The following SLC10A7 variants were observed in gnomAD, a reference collection of about 807,000 sequenced individuals.
The protein encoded by SLC10A7 is solute carrier family 10 member 7, also known as sodium/bile acid cotransporter 7.
SLC10A7 carries 29 observed loss-of-function variants against 43.2 expected under a neutral mutation model. The ratio of observed to expected loss-of-function variants is 0.67; its 90% confidence interval spans 0.50 to 0.92. The LOEUF (loss-of-function observed/expected upper bound fraction) is 0.92, where lower values mean the gene tolerates loss of function less well. SLC10A7 is among the 40% of genes least tolerant of loss of function. The probability of loss-of-function intolerance (pLI) is 0.00; values close to 1 mark genes in which losing one functional copy is unlikely to be tolerated. For missense variants in SLC10A7, 295 were observed against 403.2 expected, an observed-to-expected ratio of 0.73 and a Z score of 2.30; for synonymous variants, 152 against 144.8, an observed-to-expected ratio of 1.05 and a Z score of -0.35.
At chr4:146,355,945 C>T (rs984299847) in intron 5 of SLC10A7, among the ~76,000 whole-genome samples, 7 of 149,974 alleles carry the variant, frequency 4.7e-5, no homozygotes, top group African/African-American at 9.8e-5. Context: ...TGCTAGATGA[C>T]GCGTTAGTGG....
chr4:146,287,046 G>A (rs1730056221), intron 9 of SLC10A7, among the ~76,000 whole-genome samples: 1 of 149,098 alleles, frequency 6.7e-6, no homozygotes, highest in Non-Finnish European at 1.5e-5. Flanking sequence ...TTAGAGTGGT[G>A]AGAGGGACTG....
intron 7 of SLC10A7, among the ~76,000 whole-genome samples, chr4:146,305,141 C>G (rs1297104769): frequency 6.6e-6 from 1 of 150,742 alleles, no homozygotes; most frequent in Non-Finnish European, 1.5e-5. Context: ...TTTATTGCGA[C>G]ATTATTCACA....
chr4:146,440,063 T>C (rs1032679318), intron 5 of SLC10A7, among the ~76,000 whole-genome samples: 1 of 152,170 alleles, frequency 6.6e-6, no homozygotes, highest in African/African-American at 2.4e-5. Context: ...ATTGCTCATA[T>C]GTAGAATGTA....
At position 146,502,093 on chromosome 4, in the gene SLC10A7, G is replaced by A. The variant is rs115148332; in HGVS notation, c.396+1756C>T. ...ACCCAATTTTTTAAAAAATGAGCAA[G>A]AGAGCTAATAGACATTTCACTAAAG... On this transcript the variant is annotated intron_variant, in intron 4 of 11. Coordinates refer to ENST00000335472, the MANE Select transcript of SLC10A7 (RefSeq NM_001029998.6). 4.9e-3 allele frequency among the ~76,000 whole-genome samples: 740 copies of A among 152,262 alleles called. 5 individuals are homozygous for A. Among genetic ancestry groups the A allele is most frequent in the Non-Finnish European group, 5.9e-3 (404 of 68,016 alleles).
intron 5 of SLC10A7, among the ~76,000 whole-genome samples, chr4:146,368,740 C>T (rs552459002): frequency 2.0e-5 from 3 of 152,072 alleles, no homozygotes; most frequent in Non-Finnish European, 2.9e-5. Context: ...GAAAGTTCTC[C>T]AAATGGACAG....
intron 4 of SLC10A7, among the ~76,000 whole-genome samples, chr4:146,490,686 T>C (rs182619690): frequency 2.0e-5 from 3 of 152,268 alleles, no homozygotes; most frequent in Non-Finnish European, 4.4e-5. Context: ...ATTCCCACAA[T>C]AGGCTCTCTT....
intron 4 of SLC10A7, among the ~76,000 whole-genome samples, chr4:146,479,670 A>C (rs947425755): frequency 6.6e-6 from 1 of 152,186 alleles, no homozygotes; most frequent in Admixed American, 6.5e-5. Context: ...CAGCTTAGGA[A>C]GATGAAAAAG....
intron 5 of SLC10A7, among the ~76,000 whole-genome samples, chr4:146,403,897 A>G (rs1488554982): frequency 6.6e-6 from 1 of 152,202 alleles, no homozygotes; most frequent in Admixed American, 6.5e-5. Context: ...GCAGCAGAGT[A>G]CCAAGTCCAT....
intron 9 of SLC10A7, among the ~76,000 whole-genome samples, chr4:146,291,536 C>T (rs1730443689): frequency 6.6e-6 from 1 of 152,196 alleles, no homozygotes; most frequent in Non-Finnish European, 1.5e-5. Flanking sequence ...TCACTCATTG[C>T]TATTGCCTGG....
chr4:146,313,078 C>A (rs938530794), intron 6 of SLC10A7, among the ~76,000 whole-genome samples: 15 of 152,284 alleles, frequency 9.9e-5, no homozygotes, highest in Middle Eastern at 3.4e-3. Flanking sequence ...TTAAGTAGAA[C>A]ACATGATTAA....
chr4:146,401,469 T>C (rs1213768035), intron 5 of SLC10A7, among the ~76,000 whole-genome samples: 1 of 152,160 alleles, frequency 6.6e-6, no homozygotes, highest in African/African-American at 2.4e-5. Flanking sequence ...TATTTCCCAA[T>C]GCCCAGGAGA....
chr4:146,399,112 T>G (rs577051424), intron 5 of SLC10A7, among the ~76,000 whole-genome samples: 4 of 152,180 alleles, frequency 2.6e-5, no homozygotes, highest in Non-Finnish European at 5.9e-5. Context: ...GAGCTGACAC[T>G]GGAGTGACAA....
intron 10 of SLC10A7, among the ~76,000 whole-genome samples, chr4:146,267,089 C>T (rs1043831699): frequency 1.3e-5 from 2 of 152,008 alleles, no homozygotes; most frequent in Non-Finnish European, 2.9e-5. Context: ...CAATTGCACC[C>T]AATACCAAGA....
intron 5 of SLC10A7, among the ~76,000 whole-genome samples, chr4:146,372,462 A>C (rs1736865515): frequency 6.6e-6 from 1 of 151,980 alleles, no homozygotes; most frequent in Non-Finnish European, 1.5e-5. Flanking sequence ...TCAAAAAAAA[A>C]AAAAAAAAAA....
intron 5 of SLC10A7, among the ~76,000 whole-genome samples, chr4:146,327,190 T>C (rs980194997): frequency 6.6e-6 from 1 of 152,242 alleles, no homozygotes; most frequent in African/African-American, 2.4e-5. Flanking sequence ...ACCATGACTT[T>C]CTGGGGCATA....
intron 4 of SLC10A7, among the ~76,000 whole-genome samples, chr4:146,460,180 A>C (rs1457978378): frequency 6.6e-6 from 1 of 151,970 alleles, no homozygotes; most frequent in Admixed American, 6.6e-5. Context: ...ACTTAAAAAG[A>C]AACTGGCAGC....
intron 10 of SLC10A7, among the ~76,000 whole-genome samples, chr4:146,282,308 T>C (rs1488944134): frequency 6.6e-6 from 1 of 152,196 alleles, no homozygotes; most frequent in Non-Finnish European, 1.5e-5. Context: ...CAAATATGTT[T>C]GGGATTAATA....
At chr4:146,441,781 T>C (rs1056454152) in intron 5 of SLC10A7, 1 of 985,156 alleles carries the variant, frequency 1.0e-6, no homozygotes, top group Admixed American at 6.1e-5. Context: ...AGATGCTACA[T>C]CATTATAAAC....
intron 4 of SLC10A7, among the ~76,000 whole-genome samples, chr4:146,455,685 T>C (rs1045241302): frequency 6.6e-6 from 1 of 151,894 alleles, no homozygotes; most frequent in African/African-American, 2.4e-5. Context: ...TCGCAGATCA[T>C]CTCATCAAGG....
Sources: allele counts gnomAD v4.1 joint callset (sites outside exome capture counted in the v4.1 genomes callset), GRCh38; gene constraint gnomAD v4.1.1; transcripts MANE v1.5; gene names NCBI Gene and HGNC (gene_info 2026-07-23, HGNC 2026-07-21).